Variants in KAZN observed in about 807,000 individuals in gnomAD.
KAZN encodes the protein kazrin, periplakin interacting protein, also known as kazrin.
A neutral mutation model predicts 87.4 loss-of-function variants in KAZN; 40 were observed. The ratio of observed to expected loss-of-function variants is 0.46; its 90% CI spans 0.36 to 0.60. KAZN has a LOEUF of 0.60. KAZN is among the 20% of genes least tolerant of loss of function. The pLI, the probability that KAZN is intolerant of heterozygous loss-of-function variation, is 0.00. For synonymous variants in KAZN, 466 were observed against 458.3 expected (o/e 1.02, Z -0.22); for missense variants, 898 against 1,073.9 (o/e 0.84, Z 2.29).
At chr1:15,017,819 T>G (rs905630440) in intron 2 of KAZN, among the ~76,000 whole-genome samples, 1 of 151,560 alleles carries the variant, frequency 6.6e-6, no homozygotes, top group Non-Finnish European at 1.5e-5. Context: ...AAAAAAAGCC[T>G]TAGAATTCTG....
At chr1:15,112,251 C>T (rs1641655817) in intron 13 of KAZN, 176 bp from the exon 14 acceptor site, 5 of 608,678 alleles carry the variant, frequency 8.2e-6, no homozygotes, top group African/African-American at 1.8e-5. Context: ...GTGAGAATCA[C>T]GCTTATAAAG....
chr1:13,944,304 T>G (rs1641052514), intron 1 of KAZN, among the ~76,000 whole-genome samples: 1 of 152,218 alleles, frequency 6.6e-6, no homozygotes, highest in Non-Finnish European at 1.5e-5. Context: ...TCCATTTCTA[T>G]GATATATCCA....
chr1:14,247,845 CAAT>C (rs1649655519), intron 2 of KAZN, among the ~76,000 whole-genome samples: 1 of 151,638 alleles, frequency 6.6e-6, no homozygotes, highest in Non-Finnish European at 1.5e-5. Flanking sequence ...GGGTGTGTGG[CAAT>C]AATCTTCATG....
In KAZN at chr1:14,547,188, A is replaced by AC. The variant is rs535655576; in HGVS notation, c.250-51795_250-51794insC. On this transcript the variant is annotated intron_variant, in intron 2 of 16. Coordinates refer to the KAZN transcript ENST00000636203. ...TTACCAAAGGGAAGAATAGAATGACATTTTTTTTTCCTTGACCTTCTCAAT... is the reference window on the plus strand; with the variant it reads ...TTACCAAAGGGAAGAATAGAATGACACTTTTTTTTTCCTTGACCTTCTCAAT... Among the ~76,000 whole-genome samples, 146 of 151,704 alleles carry AC rather than the reference A, an allele frequency of 9.6e-4. 1 individual carries two copies. Among genetic ancestry groups the AC allele is most frequent in the African/African-American group, 3.4e-3 (139 of 41,370 alleles).
intron 2 of KAZN, among the ~76,000 whole-genome samples, chr1:14,278,536 T>C (rs1186844015): frequency 6.6e-5 from 10 of 152,030 alleles, no homozygotes; most frequent in Non-Finnish European, 1.5e-4. Flanking sequence ...GTAATCCACC[T>C]GCCTCAGCCT....
chr1:15,008,269 G>T (rs1669234754), intron 2 of KAZN, among the ~76,000 whole-genome samples: 1 of 152,202 alleles, frequency 6.6e-6, no homozygotes, highest in African/African-American at 2.4e-5. Context: ...AGTCGTGGAG[G>T]AAAGAGTTTT....
chr1:14,802,114 T>C (rs1418236998), intron 1 of KAZN, among the ~76,000 whole-genome samples: 1 of 152,010 alleles, frequency 6.6e-6, no homozygotes, highest in Non-Finnish European at 1.5e-5. Flanking sequence ...GTTTTCAAAA[T>C]TGGGACAATG....
chr1:13,952,562 G>A (rs1641393324), intron 1 of KAZN, among the ~76,000 whole-genome samples: 1 of 151,952 alleles, frequency 6.6e-6, no homozygotes. Flanking sequence ...AGGAGTTGTG[G>A]TTACTTCTTG....
chr1:14,599,819 G>T lies in KAZN; in HGVS notation c.226+596G>T, dbSNP rs536491142. ...AGCTCAGCAGGGAGTTTAAATTTCCGCAAATATAAACACCGAGAGCACTTT... is the reference window on the plus strand; with the variant it reads ...AGCTCAGCAGGGAGTTTAAATTTCCTCAAATATAAACACCGAGAGCACTTT... On this transcript the variant is annotated intron_variant, in intron 1 of 14. Coordinates refer to ENST00000376030, the MANE Select transcript of KAZN (RefSeq NM_201628.3). This position sits in a 1 kb window ranked among gnomAD's most constrained non-coding sequence, Gnocchi z 4.4. Among the ~76,000 whole-genome samples the T allele has an allele frequency of 5.5e-4, 84 of 152,240 alleles. No homozygotes were observed. The highest frequency in any genetic ancestry group is 1.7e-3 in the African/African-American group (71 of 41,544).
At chr1:14,967,074 A>G (rs538411021) in intron 2 of KAZN, among the ~76,000 whole-genome samples, 1 of 152,336 alleles carries the variant, frequency 6.6e-6, no homozygotes, top group East Asian at 1.9e-4. Context: ...TGATGCAGGC[A>G]GATGATGGGC....
chr1:14,243,907 C>G (rs1199569357), intron 2 of KAZN, among the ~76,000 whole-genome samples: 2 of 152,242 alleles, frequency 1.3e-5, no homozygotes, highest in African/African-American at 4.8e-5. Context: ...GCGTAGTTTA[C>G]CCATCATCAC....
intron 1 of KAZN, among the ~76,000 whole-genome samples, chr1:14,803,476 C>A (rs1033817506): frequency 6.6e-6 from 1 of 152,204 alleles, no homozygotes; most frequent in Non-Finnish European, 1.5e-5. Flanking sequence ...TCCTTCTGAC[C>A]CTGATGGCAG....
chr1:14,672,054 A>C (rs1225046333), intron 1 of KAZN, among the ~76,000 whole-genome samples: 1 of 152,180 alleles, frequency 6.6e-6, no homozygotes, highest in Non-Finnish European at 1.5e-5. Flanking sequence ...TCCTTGCCTC[A>C]GAATTTTGTC....
At chr1:14,836,606 T>C (rs76098163) in intron 1 of KAZN, among the ~76,000 whole-genome samples, 3,707 of 152,174 alleles carry the variant, frequency 0.024, 61 homozygotes, top group Middle Eastern at 0.054. Context: ...CTTCCTCTCT[T>C]GAGCATCCCC....
At chr1:14,419,544 G>A (rs1452151832) in intron 2 of KAZN, among the ~76,000 whole-genome samples, 2 of 152,194 alleles carry the variant, frequency 1.3e-5, no homozygotes, top group African/African-American at 4.8e-5. Context: ...GGAATTTGTG[G>A]GTTCTTGGTC....
exon 2 of KAZN, chr1:14,180,471 C>T (rs925257891): frequency 3.9e-6 from 6 of 1,550,350 alleles, no homozygotes; most frequent in Non-Finnish European, 5.2e-6. Context: ...GACCAGATTT[C>T]CCATTTTATT....
chr1:14,097,534 C>T (rs969617766), intron 1 of KAZN, among the ~76,000 whole-genome samples: 1 of 152,144 alleles, frequency 6.6e-6, no homozygotes, highest in Non-Finnish European at 1.5e-5. Context: ...GGATTTCTAT[C>T]TACCTGAAAG....
chr1:14,145,896 G>A (rs1645338391), intron 1 of KAZN, among the ~76,000 whole-genome samples: 1 of 152,146 alleles, frequency 6.6e-6, no homozygotes, highest in African/African-American at 2.4e-5. Context: ...GATTAACAAC[G>A]GGGTCATGAT....
chr1:14,638,074 C>T (rs954811860), intron 1 of KAZN, among the ~76,000 whole-genome samples: 1 of 152,172 alleles, frequency 6.6e-6, no homozygotes, highest in African/African-American at 2.4e-5. Context: ...TATGTGTCTT[C>T]GTCTCCGTGT....
Sources: gnomAD v4.1 joint callset for allele counts (sites outside exome capture counted in the v4.1 genomes callset) on GRCh38, gnomAD v4.1.1 for gene constraint, Gnocchi (gnomAD v3.1) non-coding constraint, MANE v1.5 for transcripts, NCBI Gene and HGNC (gene_info 2026-07-23, HGNC 2026-07-21) for gene names.